SREK1: variants seen among roughly 807,000 people sequenced by gnomAD.
The protein encoded by SREK1 is splicing regulatory glutamic acid and lysine rich protein 1, also known as splicing regulatory glutamine/lysine-rich protein 1.
SREK1 carries 13 observed loss-of-function variants against 66.5 expected under a neutral mutation model. The ratio of observed to expected loss-of-function variants is 0.20; its 90% CI spans 0.13 to 0.31. The LOEUF (loss-of-function observed/expected upper bound fraction) is 0.31. Ranked by LOEUF, SREK1 falls within the 10% of genes least tolerant of loss-of-function variation. SREK1 has a pLI of 1.00. For missense variants in SREK1, 607 were observed against 769.6 expected, an observed-to-expected ratio of 0.79 and a Z score of 2.50; for synonymous variants, 265 against 263.5, an observed-to-expected ratio of 1.01 and a Z score of -0.05.
chr5:66,149,936 G>C (rs1743625708), intron 1 of SREK1, among the ~76,000 whole-genome samples: 1 of 152,250 alleles, frequency 6.6e-6, no homozygotes, highest in Admixed American at 6.5e-5. Context: ...CAGCAATCAA[G>C]ATGACTATCT....
chr5:66,159,026 GCTCA>G, intron 2 of SREK1, 189 bp from the exon 3 acceptor site: 1 of 1,411,164 alleles, frequency 7.1e-7, no homozygotes, highest in Non-Finnish European at 9.2e-7. Flanking sequence ...TTGAAGTTTT[GCTCA>G]CTTTTATTTT....
At chr5:66,151,986 C>T (rs186133482) in intron 1 of SREK1, among the ~76,000 whole-genome samples, 1,607 of 151,924 alleles carry the variant, frequency 0.011, 30 homozygotes, top group African/African-American at 0.035. Flanking sequence ...GCTGGGACTA[C>T]AGGCGCCCGC....
intron 2 of SREK1, chr5:66,157,194 T>C (rs1231634338): frequency 2.0e-5 from 19 of 968,662 alleles, no homozygotes; most frequent in African/African-American, 3.5e-5. Context: ...ACTATATTTA[T>C]AGTAGTATAC....
rs200400118 is a variant in SREK1, at chr5:66,166,480, TC to T, written c.1001+1591del. 4.5e-3 allele frequency: 661 copies of T among 147,902 alleles called. 4 individuals are homozygous for T. The highest frequency in any genetic ancestry group is 0.015 in the African/African-American group (600 of 40,448). The allele number at this position is 147,902 out of a possible 1,614,324, so 9.2% of individuals were successfully genotyped here. A position where few individuals can be genotyped will look rare whatever the true frequency, so the allele number is the denominator to read the frequency against. ...ATAATGTATATATATTCCTTTTTTT[TC>T]CCCCCCCAAGATGCAGTTTCAGTCC... On this transcript the variant is annotated intron_variant, in intron 7 of 11. Coordinates refer to ENST00000334121, the MANE Select transcript of SREK1 (RefSeq NM_001077199.3).
intron 2 of SREK1, chr5:66,153,893 G>T: frequency 3.3e-6 from 1 of 303,374 alleles, no homozygotes; most frequent in South Asian, 4.5e-5. Context: ...AATTGATATG[G>T]GAAATTATTT....
At position 66,170,736 on chromosome 5, in the gene SREK1, C is replaced by G; in HGVS notation, c.1273C>G (p.Arg425Gly). 6.3e-7 allele frequency: 1 copy of G among 1,597,038 alleles called. No homozygotes were observed. Among genetic ancestry groups the G allele is most frequent in the Non-Finnish European group, 8.5e-7 (1 of 1,172,128 alleles). ...CCGGGACAAGGAACGGGAAAAGGAC[C>G]GGGAAAAAGACAAGGAAAAGGACAG... ...KDRDKEREKD[R>G]EKDKEKDRER... Residue 425 changes from arginine to glycine, a missense_variant, in exon 9 of 12, where the codon CGG becomes GGG. Coordinates refer to ENST00000334121, the MANE Select transcript of SREK1 (RefSeq NM_001077199.3).
In SREK1 at chr5:66,178,939, TAAACAGG is replaced by T; in HGVS notation, c.*75_*81del. 7.1e-7 allele frequency: 1 copy of T among 1,413,886 alleles called. No individual in the cohort carries two copies. Among genetic ancestry groups the T allele is most frequent in the East Asian group, 2.4e-5 (1 of 40,884 alleles). 87.6% of individuals were successfully genotyped at this position (1,413,886 alleles called of 1,614,324 possible). On this transcript the variant is annotated 3_prime_UTR_variant, in exon 12 of 12. Coordinates refer to ENST00000334121, the MANE Select transcript of SREK1 (RefSeq NM_001077199.3). ...AGCTTTTAATTCTCTCAACAAGATG[TAAACAGG>T]AAAGAAATCTAGTTGAGCATGAAGA... is the stretch of plus-strand genomic sequence containing the variant.
intron 2 of SREK1, 184 bp from the exon 3 acceptor site, chr5:66,159,035 T>A: frequency 7.0e-7 from 1 of 1,421,930 alleles, no homozygotes; most frequent in Non-Finnish European, 9.2e-7. Context: ...TGCTCACTTT[T>A]ATTTTTCCTA....
intron 9 of SREK1, among the ~76,000 whole-genome samples, chr5:66,172,784 G>A (rs891113615): frequency 6.7e-6 from 1 of 148,840 alleles, no homozygotes; most frequent in African/African-American, 2.5e-5. Flanking sequence ...AATGTTTCAT[G>A]CTTTCAGAAG....
rs971545715 is a variant in SREK1, at chr5:66,179,024, T to A, written c.*156T>A. 1.4e-6 allele frequency: 1 copy of A among 738,402 alleles called. No homozygotes were observed. Among genetic ancestry groups the A allele is most frequent in the Non-Finnish European group, 2.0e-6 (1 of 508,984 alleles). 45.7% of individuals were successfully genotyped at this position (738,402 alleles called of 1,614,324 possible). On this transcript the variant is annotated 3_prime_UTR_variant, in exon 12 of 12. Transcript: ENST00000334121. ...AGATGACTTTGTGGCCATCTTGTTA[T>A]TGAGTAAGAAAATAAAGCATGGACA...
chr5:66,178,233 T>C lies in SREK1; in HGVS notation c.1726-486T>C, dbSNP rs185435539. On this transcript the variant is annotated intron_variant, in intron 11 of 11. Transcript: ENST00000334121. ...ATCATCATCAATAACATTGATAACATTTATTAAGCATTTACGATGTGCCGG... is the reference window on the plus strand; with the variant it reads ...ATCATCATCAATAACATTGATAACACTTATTAAGCATTTACGATGTGCCGG... 7.2e-5 allele frequency among the ~76,000 whole-genome samples: 11 copies of C among 152,198 alleles called. No homozygotes were observed. The East Asian group carries it at 2.1e-3, about 29-fold the overall frequency.
rs933823837 is a variant in SREK1, at chr5:66,182,238, G to A, written c.*3370G>A. On this transcript the variant is annotated 3_prime_UTR_variant, in exon 12 of 12. Coordinates refer to ENST00000334121, the MANE Select transcript of SREK1 (RefSeq NM_001077199.3). Reference sequence around the variant, plus strand: ...GACAGTATCTGATTTCAACTGGTGCGTTACGAAGTAGAGCCATTCCCACAA... The same window carrying A: ...GACAGTATCTGATTTCAACTGGTGCATTACGAAGTAGAGCCATTCCCACAA... 2.0e-5 allele frequency: 3 copies of A among 152,044 alleles called. No homozygotes were observed. The highest frequency in any genetic ancestry group is 7.2e-5 in the African/African-American group (3 of 41,420). 9.4% of individuals were successfully genotyped at this position (152,044 alleles called of 1,614,324 possible).
In SREK1 at chr5:66,144,747, C is replaced by T. The variant is rs181020618; in HGVS notation, c.161+210C>T. ...GGGGGGTTAACTACTGCACGGAGCC[C>T]TTACCAAGGATTTAGAATGGTTGCC... On this transcript the variant is annotated intron_variant, in intron 1 of 11. Coordinates refer to ENST00000334121, the MANE Select transcript of SREK1 (RefSeq NM_001077199.3). The T allele has an allele frequency of 4.6e-4, 576 of 1,264,562 alleles. 3 individuals are homozygous for T. The African/African-American group carries it at 8.1e-3, about 18-fold the overall frequency. The allele number at this position is 1,264,562 out of a possible 1,614,324, so 78.3% of individuals were successfully genotyped here. A position where few individuals can be genotyped will look rare whatever the true frequency, so the allele number is the denominator to read the frequency against.
At chr5:66,168,929 C>T (rs902741877) in intron 7 of SREK1, 1 of 152,126 alleles carries the variant, frequency 6.6e-6, no homozygotes, top group Non-Finnish European at 1.5e-5. Context: ...ATCCTCATGA[C>T]AGCCCTAAGA....
rs1746504053 is a variant in SREK1 at position 66,181,755 on chromosome 5, C to A, written c.*2887C>A. On this transcript the variant is annotated 3_prime_UTR_variant, in exon 12 of 12. Transcript: ENST00000334121. ...TTAGCTTATAATTGCAAACACTAGT[C>A]AGCTTGTGATCTCTGTGTTTCAAGT... The A allele has an allele frequency of 6.6e-6, 1 of 152,090 alleles. No homozygotes were observed. Among genetic ancestry groups the A allele is most frequent in the African/African-American group, 2.4e-5 (1 of 41,414 alleles). The allele number at this position is 152,090 out of a possible 1,614,324, so 9.4% of individuals were successfully genotyped here. A position where few individuals can be genotyped will look rare whatever the true frequency, so the allele number is the denominator to read the frequency against.
At chr5:66,147,747 T>G (rs1743385479) in intron 1 of SREK1, among the ~76,000 whole-genome samples, 1 of 152,226 alleles carries the variant, frequency 6.6e-6, no homozygotes, top group Non-Finnish European at 1.5e-5. Context: ...CCCACCACTC[T>G]ATCAAAGCTT....
chr5:66,163,322 C>T (rs1744914632), intron 5 of SREK1: 1 of 153,058 alleles, frequency 6.5e-6, no homozygotes, highest in African/African-American at 2.4e-5. Context: ...TTTCAGATGC[C>T]TTGCACATTC....
chr5:66,151,007 A>C (rs1194111233), intron 1 of SREK1, among the ~76,000 whole-genome samples: 1 of 151,832 alleles, frequency 6.6e-6, no homozygotes, highest in East Asian at 1.9e-4. Flanking sequence ...CACCCAGCTA[A>C]TTTTTGTATT....
In SREK1 at chr5:66,170,940, TCCAGCAGG is replaced by T; in HGVS notation, c.1478_1484+1del. ...CAATGCATCGCGAAGATCTCGTAGTTCCAGCAGGTTTGATAATGCTTAAAATTTTTACA... is the reference window on the plus strand; with the variant it reads ...CAATGCATCGCGAAGATCTCGTAGTTTTTGATAATGCTTAAAATTTTTACA... On this transcript the variant is annotated splice_donor_variant and coding_sequence_variant, in exon 9 of 12. Transcript: ENST00000334121. LOFTEE classifies it high-confidence loss of function. 6.3e-7 allele frequency: 1 copy of T among 1,597,732 alleles called. No homozygotes were observed. Among genetic ancestry groups the T allele is most frequent in the Non-Finnish European group, 8.5e-7 (1 of 1,174,910 alleles).
Sources: allele counts gnomAD v4.1 joint callset (sites outside exome capture counted in the v4.1 genomes callset), GRCh38; gene constraint gnomAD v4.1.1; transcripts MANE v1.5; gene names NCBI Gene and HGNC (gene_info 2026-07-23, HGNC 2026-07-21).